The following PDCD11 variants were observed in gnomAD, a reference collection of about 807,000 sequenced individuals.
The protein encoded by PDCD11 is protein RRP5 homolog.
A neutral mutation model predicts 198.9 loss-of-function variants in PDCD11; 97 were observed. The observed-to-expected ratio is 0.49, with a 90% CI of 0.41 to 0.58. The LOEUF (loss-of-function observed/expected upper bound fraction) is 0.58. Among genes scored for constraint, PDCD11 ranks in the 20% least tolerant of loss-of-function variants. The pLI, the probability that PDCD11 is intolerant of heterozygous loss-of-function variation, is 0.00. For synonymous variants in PDCD11, 893 were observed against 918.0 expected (o/e 0.97, Z 0.49); for missense variants, 2,102 against 2,312.7 (o/e 0.91, Z 1.87).
chr10:103,396,889 T>G (rs2093438943), intron 1 of PDCD11, among the ~76,000 whole-genome samples, 159 bp downstream of exon 1: 1 of 152,146 alleles, frequency 6.6e-6, no homozygotes, highest in African/African-American at 2.4e-5. Flanking sequence ...AACCCCAGGC[T>G]TTGTGTTCGG....
At chr10:103,411,847 G>T (rs1399308090) in intron 8 of PDCD11, among the ~76,000 whole-genome samples, 2 of 152,072 alleles carry the variant, frequency 1.3e-5, no homozygotes, top group African/African-American at 2.4e-5. Flanking sequence ...ATGAGATCAG[G>T]CTTTTTCTGT....
Position 103,416,713 on chromosome 10 carries a change from G to A in PDCD11, c.1741G>A (p.Asp581Asn). Residue 581 changes from aspartate (D) to asparagine (N), a missense_variant, in exon 13 of 36, where the codon GAC becomes AAC. Transcript: ENST00000369797. ...TGAGCTCAGTACTGAGTATATCCCT[G>A]ACCCGGAGAGAGTTTTTTACACTGG... The part of the protein sequence containing the change: ...KHELSTEYIP[D>N]PERVFYTGQV... 6.2e-7 allele frequency: 1 copy of A among 1,614,076 alleles called. No homozygotes were observed. The highest frequency in any genetic ancestry group is 8.5e-7 in the Non-Finnish European group (1 of 1,179,982).
Position 103,409,811 on chromosome 10 carries a change from G to C in PDCD11, c.978+5G>C. The C allele has an allele frequency of 6.3e-7, 1 of 1,598,932 alleles. No homozygotes were observed. Among genetic ancestry groups the C allele is most frequent in the Non-Finnish European group, 8.6e-7 (1 of 1,166,078 alleles). ...ACATATTTCTCAAATCAGGCAGTAA[G>C]AAATGTTGAGCCTATATTTTCTTGA... is the stretch of plus-strand genomic sequence containing the variant. On this transcript the variant is annotated splice_donor_5th_base_variant and intron_variant, in intron 8 of 35. Coordinates refer to ENST00000369797, the MANE Select transcript of PDCD11 (RefSeq NM_014976.2).
chr10:103,439,731 CCT>C lies in PDCD11; in HGVS notation c.4026-9_4026-8del, dbSNP rs2032297254. On this transcript the variant is annotated splice_polypyrimidine_tract_variant and intron_variant, in intron 27 of 35. Transcript: ENST00000369797. ...TGCATTTGTGACCACAGGACTCTTGCCTCTCTCCTTTCAGCCTTGGCCCCTCC... is the reference window on the plus strand; with the variant it reads ...TGCATTTGTGACCACAGGACTCTTGCCTCTCCTTTCAGCCTTGGCCCCTCC... 1 of 1,614,016 alleles carries C rather than the reference CCT, an allele frequency of 6.2e-7. No individual in the cohort carries two copies. The highest frequency in any genetic ancestry group is 1.3e-5 in the African/African-American group (1 of 74,918).
In PDCD11 at chr10:103,408,832, G is replaced by A. The variant is rs746743838; in HGVS notation, c.871-867G>A. 1.1e-4 allele frequency among the ~76,000 whole-genome samples: 16 copies of A among 152,124 alleles called. No individual in the cohort carries two copies. The Middle Eastern group carries it at 0.014, about 129-fold the overall frequency. On this transcript the variant is annotated intron_variant, in intron 7 of 35. Transcript: ENST00000369797. ...TAGGATTATAGGCATGAGCCACTGC[G>A]CCCACCTTCTTGTTGACCGTTTAAC...
At chr10:103,433,900 A>G in intron 22 of PDCD11, 48 bp from the exon 23 acceptor site, 1 of 1,424,534 alleles carries the variant, frequency 7.0e-7, no homozygotes, top group African/African-American at 1.4e-5. Flanking sequence ...AATGGCGGGA[A>G]ACCTTGTATT....
intron 30 of PDCD11, among the ~76,000 whole-genome samples, chr10:103,441,589 A>ATG (rs1390820896): frequency 6.6e-6 from 1 of 152,092 alleles, no homozygotes; most frequent in African/African-American, 2.4e-5. Flanking sequence ...ATGCATATGC[A>ATG]TGTGTGTGTG....
chr10:103,440,831 A>G lies in PDCD11; in HGVS notation c.4538A>G (p.Glu1513Gly). 2 of 1,612,234 alleles carry G rather than the reference A, an allele frequency of 1.2e-6. No individual in the cohort carries two copies. Among genetic ancestry groups the G allele is most frequent in the East Asian group, 2.2e-5 (1 of 44,872 alleles). ...CGGGAGGGAAAAGAGGAGGCAGAAG[A>G]GACGAATGTGCTGCCCAAGGTGAGG... ...YYREGKEEAE[E>G]TNVLPKEKQT... The change falls in exon 30 of 36, where the codon GAG becomes GGG. Residue 1513 changes from glutamate (E) to glycine (G), a missense_variant. Coordinates refer to ENST00000369797, the MANE Select transcript of PDCD11 (RefSeq NM_014976.2).
chr10:103,413,911 C>A, intron 9 of PDCD11, 55 bp from the exon 10 acceptor site: 1 of 1,530,454 alleles, frequency 6.5e-7, no homozygotes, highest in Non-Finnish European at 8.8e-7. Flanking sequence ...TGTAAGGTCT[C>A]ATTGGCTCAG....
intron 25 of PDCD11, among the ~76,000 whole-genome samples, chr10:103,435,372 T>TA (rs1227954509): frequency 6.6e-6 from 1 of 152,210 alleles, no homozygotes; most frequent in African/African-American, 2.4e-5. Flanking sequence ...TCTCTGTTGA[T>TA]AGACAATACT....
Position 103,411,407 on chromosome 10 carries a change from C to T in PDCD11, c.978+1601C>T, listed in dbSNP as rs141858393. Among the ~76,000 whole-genome samples, 21 of 152,012 alleles carry T rather than the reference C, an allele frequency of 1.4e-4. No homozygotes were observed. The South Asian group carries it at 4.2e-3, about 30-fold the overall frequency. ...TTGAGACAAGGTCACACACTATTGC[C>T]CAGAGTGGAGTACAATGGCACAACC... On this transcript the variant is annotated intron_variant, in intron 8 of 35. Transcript: ENST00000369797.
chr10:103,406,813 C>G (rs1375185513), intron 7 of PDCD11, 23 bp downstream of exon 7: 2 of 1,543,456 alleles, frequency 1.3e-6, no homozygotes, highest in African/African-American at 2.8e-5. Context: ...GCTACTACTA[C>G]TTTTTAAAAT....
At position 103,413,238 on chromosome 10, in the gene PDCD11, GC is replaced by G; in HGVS notation, c.1102del (p.Leu368TrpfsTer19). ...TCTCTTGCCAGAACCTTGGAGCAGT[GC>G]TGGATGATGTTCCTGTCCAGGGTTT... ...RLSCQNLGAV[L>X]DDVPVQGFFK... On this transcript the variant is annotated frameshift_variant, in exon 9 of 36. Transcript: ENST00000369797. LOFTEE classifies it high-confidence loss of function. 1.2e-6 allele frequency: 2 copies of G among 1,614,164 alleles called. No individual in the cohort carries two copies. The highest frequency in any genetic ancestry group is 1.7e-6 in the Non-Finnish European group (2 of 1,180,004).
intron 22 of PDCD11, among the ~76,000 whole-genome samples, chr10:103,433,400 G>A (rs2032016918): frequency 6.6e-6 from 1 of 152,172 alleles, no homozygotes; most frequent in African/African-American, 2.4e-5. Flanking sequence ...TGGAGGCTGA[G>A]GCAGGAGAAT....
intron 1 of PDCD11, among the ~76,000 whole-genome samples, chr10:103,397,798 C>A (rs566601086): frequency 3.3e-5 from 5 of 152,322 alleles, no homozygotes; most frequent in Admixed American, 1.3e-4. Flanking sequence ...AATAATTCCT[C>A]AGAGACAACA....
chr10:103,431,892 T>C (rs1486331826), intron 21 of PDCD11, among the ~76,000 whole-genome samples: 1 of 152,218 alleles, frequency 6.6e-6, no homozygotes, highest in Non-Finnish European at 1.5e-5. Context: ...ATAAAGCCTA[T>C]TGTGGGCTAC....
At chr10:103,437,156 T>G (rs1031978703) in intron 25 of PDCD11, among the ~76,000 whole-genome samples, 4 of 152,152 alleles carry the variant, frequency 2.6e-5, no homozygotes, top group African/African-American at 9.7e-5. Context: ...TCCCCTTTCT[T>G]TCTTTCTCAG....
intron 2 of PDCD11, 44 bp from the exon 3 acceptor site, chr10:103,400,353 C>G: frequency 6.4e-7 from 1 of 1,563,908 alleles, no homozygotes; most frequent in South Asian, 1.2e-5. Context: ...CAGATTGCTT[C>G]TTATTCTTTT....
intron 7 of PDCD11, among the ~76,000 whole-genome samples, chr10:103,407,644 T>A: frequency 6.6e-6 from 1 of 152,094 alleles, no homozygotes; most frequent in East Asian, 1.9e-4. Context: ...TCCTGAGCTC[T>A]AGTGATCCTC....
Sources: allele counts gnomAD v4.1 joint callset (sites outside exome capture counted in the v4.1 genomes callset), GRCh38; gene constraint gnomAD v4.1.1; transcripts MANE v1.5; gene names NCBI Gene and HGNC (gene_info 2026-07-23, HGNC 2026-07-21).